The following RBFOX1 variants were observed in gnomAD, a reference collection of about 807,000 sequenced individuals.
RBFOX1 encodes the protein RNA binding fox-1 homolog 1, also known as RNA binding protein fox-1 homolog 1.
In RBFOX1, 8 loss-of-function variants were observed where a neutral mutation model predicts 57.7. The observed-to-expected ratio is 0.14, with a 90% CI of 0.08 to 0.25. RBFOX1 has a LOEUF of 0.25. RBFOX1 is among the 10% of genes least tolerant of loss of function. The probability of loss-of-function intolerance (pLI) is 1.00; values close to 1 mark genes in which losing one functional copy is unlikely to be tolerated. For missense variants in RBFOX1, 611 were observed against 548.5 expected, an observed-to-expected ratio of 1.11 and a Z score of -1.14; for synonymous variants, 326 against 222.4, an observed-to-expected ratio of 1.47 and a Z score of -4.15.
chr16:6,021,599 G>C (rs112188888), intron 1 of RBFOX1, among the ~76,000 whole-genome samples: 4 of 152,254 alleles, frequency 2.6e-5, no homozygotes, highest in African/African-American at 9.6e-5. Flanking sequence ...GAATCCCCTG[G>C]GCTTTCCTTA....
intron 1 of RBFOX1, among the ~76,000 whole-genome samples, chr16:6,218,392 C>G (rs987977976): frequency 6.6e-6 from 1 of 152,062 alleles, no homozygotes; most frequent in Admixed American, 6.6e-5. Context: ...CACTGCGACA[C>G]CTGCCTCCAG....
chr16:7,305,053 A>C (rs981762044), intron 4 of RBFOX1, among the ~76,000 whole-genome samples: 1 of 150,572 alleles, frequency 6.6e-6, no homozygotes, highest in Non-Finnish European at 1.5e-5. Flanking sequence ...CTTCAAACTC[A>C]CTGGCAATGC....
chr16:7,303,326 C>T (rs1287162436), intron 4 of RBFOX1, among the ~76,000 whole-genome samples: 2 of 152,204 alleles, frequency 1.3e-5, no homozygotes, highest in Non-Finnish European at 1.5e-5. Context: ...CCTCCTGCCC[C>T]CAGCCCCTAA....
intron 4 of RBFOX1, among the ~76,000 whole-genome samples, chr16:7,174,673 G>A (rs531783568): frequency 7.9e-5 from 12 of 152,262 alleles, no homozygotes; most frequent in East Asian, 5.8e-4. Flanking sequence ...CCAGCTACTC[G>A]GGAGTCTGAG....
chr16:6,932,956 G>A (rs1395932607), intron 3 of RBFOX1, among the ~76,000 whole-genome samples: 3 of 152,124 alleles, frequency 2.0e-5, no homozygotes, highest in Admixed American at 1.3e-4. Flanking sequence ...TTATGAACTT[G>A]ACTGCTCTAG....
chr16:6,343,466 G>A (rs1413139645), intron 2 of RBFOX1, among the ~76,000 whole-genome samples: 3 of 152,168 alleles, frequency 2.0e-5, no homozygotes, highest in Non-Finnish European at 2.9e-5. Flanking sequence ...GAGGATTTGC[G>A]ATAATTATCT....
chr16:6,785,438 C>A (rs575978243), intron 3 of RBFOX1, among the ~76,000 whole-genome samples: 23 of 152,162 alleles, frequency 1.5e-4, no homozygotes, highest in African/African-American at 5.5e-4. Context: ...CTGCATTGAT[C>A]CTTAGGAAGA....
intron 4 of RBFOX1, among the ~76,000 whole-genome samples, chr16:5,974,043 G>T (rs368755059): frequency 6.6e-6 from 1 of 152,110 alleles, no homozygotes; most frequent in Non-Finnish European, 1.5e-5. Flanking sequence ...GATGATCATC[G>T]TATCTACATG....
At chr16:5,469,366 A>G (rs1273282737) in intron 2 of RBFOX1, among the ~76,000 whole-genome samples, 1 of 152,184 alleles carries the variant, frequency 6.6e-6, no homozygotes, top group African/African-American at 2.4e-5. Context: ...GGAAGCATCT[A>G]ATGAAGTGTT....
chr16:7,317,496 C>T (rs569168591), intron 4 of RBFOX1, among the ~76,000 whole-genome samples: 3 of 152,256 alleles, frequency 2.0e-5, no homozygotes, highest in African/African-American at 7.2e-5. Context: ...GCCATTAGGA[C>T]CATCACCATC....
chr16:7,238,054 G>C (rs940982427), intron 4 of RBFOX1, among the ~76,000 whole-genome samples: 2 of 152,178 alleles, frequency 1.3e-5, no homozygotes, highest in African/African-American at 4.8e-5. Context: ...TGAACCTTGA[G>C]GACATTATTC....
At chr16:5,430,517 G>T (rs2067698821) in intron 1 of RBFOX1, among the ~76,000 whole-genome samples, 2 of 152,138 alleles carry the variant, frequency 1.3e-5, no homozygotes, top group African/African-American at 4.8e-5. Flanking sequence ...GAGCACCCAG[G>T]AACGGAAGGA....
chr16:6,887,267 A>T (rs1212731128), intron 3 of RBFOX1, among the ~76,000 whole-genome samples: 1 of 152,214 alleles, frequency 6.6e-6, no homozygotes, highest in Non-Finnish European at 1.5e-5. Context: ...GAACTGTGTT[A>T]TCTGCGAAGA....
chr16:7,401,199 TCA>T (rs1469089985), intron 4 of RBFOX1, among the ~76,000 whole-genome samples: 5 of 152,230 alleles, frequency 3.3e-5, no homozygotes, highest in Non-Finnish European at 7.3e-5. Context: ...TTATTTTTCA[TCA>T]CACAGTAGTT....
At chr16:7,328,448 C>T (rs9937785) in intron 4 of RBFOX1, among the ~76,000 whole-genome samples, 1 of 131,054 alleles carries the variant, frequency 7.6e-6, no homozygotes, top group African/African-American at 3.1e-5. Flanking sequence ...CCATTGCACT[C>T]TAGCCTGGGA....
intron 3 of RBFOX1, among the ~76,000 whole-genome samples, chr16:5,627,291 C>G (rs2048373769): frequency 6.6e-6 from 1 of 152,086 alleles, no homozygotes; most frequent in South Asian, 2.1e-4. Flanking sequence ...ATTGGTGTGT[C>G]AGACTTAGTA....
intron 1 of RBFOX1, among the ~76,000 whole-genome samples, chr16:6,210,467 C>T (rs891157313): frequency 4.0e-5 from 6 of 150,880 alleles, no homozygotes; most frequent in Non-Finnish European, 8.8e-5. Flanking sequence ...CAGTGGCTCA[C>T]TCCTATAATC....
At chr16:7,560,111 C>G (rs549568797) in intron 5 of RBFOX1, among the ~76,000 whole-genome samples, 1 of 152,346 alleles carries the variant, frequency 6.6e-6, no homozygotes, top group South Asian at 2.1e-4. Context: ...GACTTAGAGA[C>G]ATTCAGCAGG....
intron 1 of RBFOX1, among the ~76,000 whole-genome samples, chr16:6,167,297 C>T (rs542387619): frequency 6.6e-6 from 1 of 152,292 alleles, no homozygotes; most frequent in African/African-American, 2.4e-5. Context: ...TGCACCTACC[C>T]TTTGACGTAT....
Sources: gnomAD v4.1 joint callset for allele counts (sites outside exome capture counted in the v4.1 genomes callset) on GRCh38, gnomAD v4.1.1 for gene constraint, MANE v1.5 for transcripts, NCBI Gene and HGNC (gene_info 2026-07-23, HGNC 2026-07-21) for gene names.